KCNU1: variants seen among roughly 807,000 people sequenced by gnomAD.
The protein encoded by KCNU1 is potassium channel subfamily U member 1.
In KCNU1, 93 loss-of-function variants were observed where a neutral mutation model predicts 126.8. The ratio of observed to expected loss-of-function variants is 0.73; its 90% confidence interval spans 0.62 to 0.87. The LOEUF (loss-of-function observed/expected upper bound fraction) is 0.87. Ranked by LOEUF, KCNU1 falls within the 40% of genes least tolerant of loss-of-function variation. The pLI, the probability that KCNU1 is intolerant of heterozygous loss-of-function variation, is 0.00. For missense variants in KCNU1, 1,330 were observed against 1,367.1 expected (o/e 0.97, Z 0.43); for synonymous variants, 523 against 494.2 (o/e 1.06, Z -0.77).
Position 36,911,060 on chromosome 8 carries a change from C to T in KCNU1, c.2462C>T (p.Thr821Ile). The change falls in exon 22 of 27, where the codon ACC becomes ATC. Residue 821 changes from threonine to isoleucine, a missense_variant. This residue lies in a region of KCNU1 where 1,054 missense variants were observed against 1,053.9 expected (regional missense o/e 1.00). Transcript: ENST00000399881. ...GTAGACACAGAAGCCATCATGGCAA[C>T]CCTCACCATCGGATCCTTGCAAATT... The part of the protein sequence containing the change: ...TLVDTEAIMA[T>I]LTIGSLQIDS... 2 of 1,613,804 alleles carry T rather than the reference C, an allele frequency of 1.2e-6. No homozygotes were observed. The highest frequency in any genetic ancestry group is 1.7e-6 in the Non-Finnish European group (2 of 1,179,790).
intron 18 of KCNU1, among the ~76,000 whole-genome samples, chr8:36,855,412 G>A (rs1805494316): frequency 6.6e-6 from 1 of 152,036 alleles, no homozygotes; most frequent in Middle Eastern, 3.2e-3. Context: ...TTCAAGTAGG[G>A]TTATGCAGGG....
intron 3 of KCNU1, among the ~76,000 whole-genome samples, chr8:36,804,754 G>A (rs1231079453): frequency 1.3e-5 from 2 of 152,186 alleles, no homozygotes. Context: ...TCTTTGCATT[G>A]TGAATTCCTA....
intron 19 of KCNU1, among the ~76,000 whole-genome samples, chr8:36,902,821 G>C (rs1226556094): frequency 6.6e-6 from 1 of 152,128 alleles, no homozygotes; most frequent in Non-Finnish European, 1.5e-5. Context: ...ATGATTAAGA[G>C]AGCCGGTGGG....
chr8:36,804,864 C>T lies in KCNU1; in HGVS notation c.378-331C>T, dbSNP rs544183191. ...AGAGAATTAATTCAAAATATACTGA[C>T]TAGATAGATGATCTTGCAAACCAAG... On this transcript the variant is annotated intron_variant, in intron 3 of 26. Coordinates refer to ENST00000399881, the MANE Select transcript of KCNU1 (RefSeq NM_001031836.3). 4.3e-3 allele frequency among the ~76,000 whole-genome samples: 650 copies of T among 152,222 alleles called. 6 individuals are homozygous for T. The highest frequency in any genetic ancestry group is 0.015 in the African/African-American group (612 of 41,532).
At chr8:36,845,529 G>A (rs1166479651) in intron 16 of KCNU1, 51 bp from the exon 17 acceptor site, 8 of 1,068,374 alleles carry the variant, frequency 7.5e-6, no homozygotes, top group Non-Finnish European at 1.1e-5. Context: ...ACCAACTGTT[G>A]CCACTGAAAT....
chr8:36,810,159 G>A (rs911486580), intron 7 of KCNU1, among the ~76,000 whole-genome samples: 2 of 152,054 alleles, frequency 1.3e-5, no homozygotes, highest in Admixed American at 6.6e-5. Flanking sequence ...GGCTGAGGCA[G>A]GAGAATTGCT....
intron 2 of KCNU1, among the ~76,000 whole-genome samples, chr8:36,797,628 TTTC>T (rs1463888919): frequency 6.7e-6 from 1 of 148,380 alleles, no homozygotes; most frequent in African/African-American, 2.4e-5. Context: ...TTTCTGAATG[TTTC>T]TTCTTTTTTT....
intron 14 of KCNU1, among the ~76,000 whole-genome samples, chr8:36,837,695 C>G (rs1437679170): frequency 6.6e-6 from 1 of 152,160 alleles, no homozygotes; most frequent in Non-Finnish European, 1.5e-5. Flanking sequence ...CTAAAAGTGA[C>G]TCTTGGGATA....
chr8:36,830,824 T>A (rs994196511), intron 10 of KCNU1, among the ~76,000 whole-genome samples: 1 of 151,754 alleles, frequency 6.6e-6, no homozygotes, highest in Admixed American at 6.6e-5. Context: ...TAGTTGCATA[T>A]GTATACATGT....
intron 19 of KCNU1, among the ~76,000 whole-genome samples, chr8:36,901,893 C>T (rs1265858942): frequency 6.6e-6 from 1 of 152,098 alleles, no homozygotes; most frequent in Non-Finnish European, 1.5e-5. Flanking sequence ...TCTTTTTTGA[C>T]CTGAATGGTA....
chr8:36,913,525 C>T (rs753451966), intron 22 of KCNU1, among the ~76,000 whole-genome samples: 4 of 151,858 alleles, frequency 2.6e-5, no homozygotes, highest in African/African-American at 4.8e-5. Context: ...AATATAGATG[C>T]AGATAGGCTC....
chr8:36,879,211 G>GTATGTATATATA (rs1554511846), intron 19 of KCNU1, among the ~76,000 whole-genome samples: 12 of 101,758 alleles, frequency 1.2e-4, no homozygotes, highest in Non-Finnish European at 1.6e-4. Flanking sequence ...GTGTGTGTGT[G>GTATGTATATATA]TATATATATA....
chr8:36,792,613 G>C (rs1563257832), intron 2 of KCNU1, among the ~76,000 whole-genome samples: 1 of 152,230 alleles, frequency 6.6e-6, no homozygotes, highest in South Asian at 2.1e-4. Context: ...TTTTTCAAGA[G>C]AGGCACTATC....
intron 19 of KCNU1, among the ~76,000 whole-genome samples, chr8:36,892,538 G>A (rs1453138338): frequency 7.5e-6 from 1 of 132,700 alleles, no homozygotes; most frequent in Non-Finnish European, 1.5e-5. Flanking sequence ...GTGTCTTTGT[G>A]TCTCATAATT....
At chr8:36,794,328 T>A (rs923370940) in intron 2 of KCNU1, among the ~76,000 whole-genome samples, 1 of 152,050 alleles carries the variant, frequency 6.6e-6, no homozygotes, top group African/African-American at 2.4e-5. Flanking sequence ...TCATTTAGCT[T>A]TTTTGGAGAT....
chr8:36,849,214 GA>G (rs1257669154), intron 18 of KCNU1, among the ~76,000 whole-genome samples: 3 of 151,662 alleles, frequency 2.0e-5, no homozygotes, highest in Non-Finnish European at 4.4e-5. Context: ...AAAACAAAAC[GA>G]AAAACAAAAA....
At chr8:36,857,831 G>A (rs745609941) in intron 18 of KCNU1, among the ~76,000 whole-genome samples, 17 of 151,570 alleles carry the variant, frequency 1.1e-4, no homozygotes, top group Non-Finnish European at 2.1e-4. Flanking sequence ...TTTTTAGTAC[G>A]GATGGGGTTT....
chr8:36,860,311 T>C (rs1388245782), intron 18 of KCNU1, among the ~76,000 whole-genome samples: 1 of 152,122 alleles, frequency 6.6e-6, no homozygotes, highest in Admixed American at 6.6e-5. Context: ...TCTCCTGACC[T>C]CTTGATCCAC....
At chr8:36,790,521 TAAATGAGA>T (rs544856941) in intron 2 of KCNU1, among the ~76,000 whole-genome samples, 1 of 151,998 alleles carries the variant, frequency 6.6e-6, no homozygotes, top group Non-Finnish European at 1.5e-5. Flanking sequence ...ATAAGACATT[TAAATGAGA>T]AAATAAGTAT....
Sources: allele counts gnomAD v4.1 joint callset (sites outside exome capture counted in the v4.1 genomes callset), GRCh38; gene constraint gnomAD v4.1.1; regional missense constraint gnomAD v4.1.1; transcripts MANE v1.5; gene names NCBI Gene and HGNC (gene_info 2026-07-23, HGNC 2026-07-21).